Variants in MACC1 observed in about 807,000 individuals in gnomAD.
The protein encoded by MACC1 is MET transcriptional regulator MACC1.
MACC1 carries 79 observed loss-of-function variants against 70.7 expected under a neutral mutation model. The observed-to-expected ratio is 1.12, with a 90% confidence interval of 0.93 to 1.35. The LOEUF (loss-of-function observed/expected upper bound fraction) is 1.35. MACC1 is among the 40% of genes most tolerant of loss of function. The pLI is 0.00. For missense variants in MACC1, 1,106 were observed against 978.1 expected (o/e 1.13, Z -1.74); for synonymous variants, 361 against 347.2 (o/e 1.04, Z -0.44).
chr7:20,183,710 C>T (rs1232061553), intron 1 of MACC1, among the ~76,000 whole-genome samples: 3 of 140,564 alleles, frequency 2.1e-5, no homozygotes, highest in Admixed American at 7.1e-5. Flanking sequence ...CTGATTCTAA[C>T]TTTTTTTTTT....
At chr7:20,204,114 T>C (rs779696528) in intron 1 of MACC1, among the ~76,000 whole-genome samples, 1 of 152,190 alleles carries the variant, frequency 6.6e-6, no homozygotes, top group Non-Finnish European at 1.5e-5. Context: ...GGGTACATAT[T>C]GAAGCCTGAA....
At chr7:20,178,623 G>T (rs1452560796) in intron 1 of MACC1, among the ~76,000 whole-genome samples, 1 of 152,118 alleles carries the variant, frequency 6.6e-6, no homozygotes, top group East Asian at 1.9e-4. Context: ...TTTTGAGATG[G>T]AGTTTCGCTC....
intron 5 of MACC1, among the ~76,000 whole-genome samples, chr7:20,157,753 C>T (rs1459180841): frequency 2.2e-5 from 3 of 136,920 alleles, no homozygotes; most frequent in Admixed American, 7.7e-5. Context: ...GGCAACAGAC[C>T]GAGACTTTGT....
chr7:20,196,619 C>T (rs1237908016), intron 1 of MACC1, among the ~76,000 whole-genome samples: 2 of 151,846 alleles, frequency 1.3e-5, no homozygotes, highest in Non-Finnish European at 2.9e-5. Context: ...ATGTATATAT[C>T]TGTATGCATG....
intron 6 of MACC1, among the ~76,000 whole-genome samples, chr7:20,151,576 T>G (rs1489013499): frequency 1.3e-5 from 2 of 152,226 alleles, no homozygotes; most frequent in Non-Finnish European, 2.9e-5. Context: ...AAAATTTAAC[T>G]TGAGGAGATG....
chr7:20,170,689 ACT>A (rs1782290878), intron 2 of MACC1, 23 bp downstream of exon 2: 1 of 152,174 alleles, frequency 6.6e-6, no homozygotes, highest in Admixed American at 6.5e-5. Context: ...AGAGAAAAAC[ACT>A]CTGACATTTT....
rs1293059617 is a variant in MACC1, at chr7:20,136,979, ATAAT to A, written c.*3963_*3966del. The A allele has an allele frequency of 4.7e-5, 7 of 149,296 alleles. No homozygotes were observed. Among genetic ancestry groups the A allele is most frequent in the South Asian group, 2.1e-4 (1 of 4,798 alleles). 9.2% of individuals were successfully genotyped at this position (149,296 alleles called of 1,614,324 possible). ...AGATTATGAATTATAATATTAAATT[ATAAT>A]TAATTCTTAAAGATTAAGATTATTA... On this transcript the variant is annotated 3_prime_UTR_variant, in exon 7 of 7. Transcript: ENST00000400331.
chr7:20,179,256 C>T (rs1402874748), intron 1 of MACC1, among the ~76,000 whole-genome samples: 4 of 151,684 alleles, frequency 2.6e-5, no homozygotes, highest in Admixed American at 1.3e-4. Context: ...AAAAAAATTC[C>T]ATCATTTAAA....
intron 1 of MACC1, among the ~76,000 whole-genome samples, chr7:20,200,043 G>C (rs1001035679): frequency 6.7e-6 from 1 of 150,260 alleles, no homozygotes; most frequent in African/African-American, 2.4e-5. Flanking sequence ...GTGTGTGTGT[G>C]TACATATGTA....
chr7:20,161,931 TAAACTC>T, intron 3 of MACC1, 61 bp from the exon 4 acceptor site: 1 of 1,006,230 alleles, frequency 9.9e-7, no homozygotes, highest in Non-Finnish European at 1.6e-6. Flanking sequence ...GCAGAGAAAA[TAAACTC>T]AAAGACATCA....
chr7:20,180,885 TC>T (rs1782494013), intron 1 of MACC1, among the ~76,000 whole-genome samples: 1 of 152,094 alleles, frequency 6.6e-6, no homozygotes, highest in Admixed American at 6.5e-5. Context: ...AAAGTATGAT[TC>T]ATTAAGAAGG....
At position 20,200,808 on chromosome 7, in the gene MACC1, G is replaced by A. The variant is rs192816740; in HGVS notation, c.-218+16491C>T. On this transcript the variant is annotated intron_variant, in intron 1 of 6. Coordinates refer to ENST00000400331, the MANE Select transcript of MACC1 (RefSeq NM_182762.4). Reference sequence around the variant, plus strand: ...CATGCCTATTCTCTGCTTCCAGGCAGGGTGGATATCCAGTAAGAATACCTG... The same window carrying A: ...CATGCCTATTCTCTGCTTCCAGGCAAGGTGGATATCCAGTAAGAATACCTG... Among the ~76,000 whole-genome samples, 150 of 152,260 alleles carry A rather than the reference G, an allele frequency of 9.9e-4. 1 individual carries two copies. In the East Asian group the frequency reaches 0.011, roughly 11 times the overall value.
chr7:20,144,402 GGAAA>G (rs898758801), intron 6 of MACC1, among the ~76,000 whole-genome samples: 2 of 152,142 alleles, frequency 1.3e-5, no homozygotes, highest in African/African-American at 2.4e-5. Context: ...ATGCTATAAT[GGAAA>G]GAAAGATAGG....
intron 4 of MACC1, among the ~76,000 whole-genome samples, chr7:20,161,396 T>C (rs2128103086): frequency 6.6e-6 from 1 of 152,200 alleles, no homozygotes; most frequent in African/African-American, 2.4e-5. Flanking sequence ...CAATTACCCC[T>C]AACTCTCTTA....
chr7:20,189,848 C>T (rs1333104483), intron 1 of MACC1, among the ~76,000 whole-genome samples: 1 of 151,892 alleles, frequency 6.6e-6, no homozygotes, highest in African/African-American at 2.4e-5. Flanking sequence ...TAACAAAACA[C>T]CTTAAACTGA....
chr7:20,208,368 G>C (rs1782945214), intron 1 of MACC1, among the ~76,000 whole-genome samples: 1 of 152,186 alleles, frequency 6.6e-6, no homozygotes, highest in African/African-American at 2.4e-5. Context: ...GAGACTTGCT[G>C]AATGGCTTTG....
intron 1 of MACC1, among the ~76,000 whole-genome samples, chr7:20,211,526 G>C (rs1401054414): frequency 6.6e-6 from 1 of 152,098 alleles, no homozygotes; most frequent in Non-Finnish European, 1.5e-5. Flanking sequence ...TTTAGAAATG[G>C]GAGTGTTCCA....
intron 4 of MACC1, 78 bp from the exon 5 acceptor site, chr7:20,160,323 T>C: frequency 6.9e-7 from 1 of 1,449,304 alleles, no homozygotes; most frequent in Non-Finnish European, 9.0e-7. Flanking sequence ...ATTTTTCCCA[T>C]AGCTTAAAAA....
intron 5 of MACC1, among the ~76,000 whole-genome samples, chr7:20,156,207 A>G (rs1405539061): frequency 6.6e-6 from 1 of 152,116 alleles, no homozygotes; most frequent in Non-Finnish European, 1.5e-5. Flanking sequence ...TATATTTACT[A>G]TGCAAATAAA....
Sources: gnomAD v4.1 joint callset for allele counts (sites outside exome capture counted in the v4.1 genomes callset) on GRCh38, gnomAD v4.1.1 for gene constraint, MANE v1.5 for transcripts, NCBI Gene and HGNC (gene_info 2026-07-23, HGNC 2026-07-21) for gene names.